The following KCNIP4 variants were observed in gnomAD, a reference collection of about 807,000 sequenced individuals.
The protein encoded by KCNIP4 is Kv channel-interacting protein 4.
In KCNIP4, 12 loss-of-function variants were observed where a neutral mutation model predicts 34.0. That is an observed-to-expected ratio of 0.35 (90% CI 0.23 to 0.57). The LOEUF is 0.57. KCNIP4 is among the 20% of genes least tolerant of loss of function. The pLI, the probability that KCNIP4 is intolerant of heterozygous loss-of-function variation, is 0.83. For missense variants in KCNIP4, 238 were observed against 311.7 expected, an observed-to-expected ratio of 0.76 and a Z score of 1.78; for synonymous variants, 124 against 102.2, an observed-to-expected ratio of 1.21 and a Z score of -1.29.
intron 1 of KCNIP4, among the ~76,000 whole-genome samples, chr4:21,268,332 T>G (rs1385745467): frequency 6.6e-6 from 1 of 152,196 alleles, no homozygotes; most frequent in Non-Finnish European, 1.5e-5. Context: ...CAGGTTTTAC[T>G]GATCTTTTAA....
chr4:21,735,498 T>C (rs1289760738), intron 1 of KCNIP4, among the ~76,000 whole-genome samples: 3 of 152,326 alleles, frequency 2.0e-5, no homozygotes, highest in East Asian at 1.9e-4. Flanking sequence ...GGAGTGCTGC[T>C]GTGCACCTGT....
intron 1 of KCNIP4, among the ~76,000 whole-genome samples, chr4:20,951,545 T>A (rs1193377679): frequency 6.6e-6 from 1 of 152,180 alleles, no homozygotes; most frequent in Admixed American, 6.5e-5. Context: ...GTTTCCTTCT[T>A]AATAAAAGAC....
chr4:21,135,553 A>T (rs1751438154), intron 1 of KCNIP4, among the ~76,000 whole-genome samples: 1 of 152,182 alleles, frequency 6.6e-6, no homozygotes, highest in Non-Finnish European at 1.5e-5. Context: ...AGTCCTACTG[A>T]GGATTATTAA....
chr4:21,674,158 A>G (rs1037830610), intron 1 of KCNIP4, among the ~76,000 whole-genome samples: 7 of 152,204 alleles, frequency 4.6e-5, no homozygotes, highest in African/African-American at 1.4e-4. Context: ...GCTCTTTGCT[A>G]TATGTATTGA....
intron 1 of KCNIP4, among the ~76,000 whole-genome samples, chr4:21,667,280 T>C (rs1324220677): frequency 3.9e-5 from 6 of 152,186 alleles, no homozygotes; most frequent in East Asian, 1.9e-4. Flanking sequence ...TCTATGGAGA[T>C]AGGATATTTG....
intron 1 of KCNIP4, among the ~76,000 whole-genome samples, chr4:21,106,443 A>G (rs2109085788): frequency 6.6e-6 from 1 of 151,616 alleles, no homozygotes; most frequent in South Asian, 2.1e-4. Flanking sequence ...CGGTGGTGAT[A>G]TCCCCTTTAT....
At chr4:21,945,414 T>G (rs917867384) in intron 1 of KCNIP4, among the ~76,000 whole-genome samples, 23 of 152,232 alleles carry the variant, frequency 1.5e-4, no homozygotes, top group Non-Finnish European at 3.2e-4. Context: ...GATTGTATGA[T>G]GAAAAGCTTT....
At chr4:21,515,945 T>C (rs1354727846) in intron 1 of KCNIP4, among the ~76,000 whole-genome samples, 2 of 152,044 alleles carry the variant, frequency 1.3e-5, no homozygotes, top group Non-Finnish European at 2.9e-5. Flanking sequence ...TCTATTATAG[T>C]AGCACAAAAT....
At chr4:20,849,184 G>A (rs921104322) in intron 3 of KCNIP4, among the ~76,000 whole-genome samples, 6 of 152,114 alleles carry the variant, frequency 3.9e-5, no homozygotes, top group African/African-American at 1.4e-4. Context: ...TGTGTGGTGA[G>A]CACTCATCTC....
chr4:21,464,417 G>T (rs933293983), intron 1 of KCNIP4, among the ~76,000 whole-genome samples: 1 of 151,754 alleles, frequency 6.6e-6, no homozygotes, highest in Non-Finnish European at 1.5e-5. Context: ...TTCTCTCATA[G>T]CATTTTCTAA....
At chr4:21,737,666 AC>A (rs1716084364) in intron 1 of KCNIP4, among the ~76,000 whole-genome samples, 1 of 152,306 alleles carries the variant, frequency 6.6e-6, no homozygotes. Context: ...CTATTGCCTT[AC>A]AGCTTAGGTC....
chr4:20,734,425 T>G (rs1305734512), intron 6 of KCNIP4, among the ~76,000 whole-genome samples: 1 of 152,230 alleles, frequency 6.6e-6, no homozygotes, highest in Non-Finnish European at 1.5e-5. Flanking sequence ...GGGTGTAATC[T>G]TTATGTGTTA....
rs548467209 is a variant in KCNIP4, at chr4:21,386,378, C to T, written c.62-503669G>A. ...ACCTGCAAGCAGGGCTATACTTTGA[C>T]CACTGTTTATATTCCAACCAGATGC... is the stretch of plus-strand genomic sequence containing the variant. On this transcript the variant is annotated intron_variant, in intron 1 of 8. Coordinates refer to ENST00000382152, the MANE Select transcript of KCNIP4 (RefSeq NM_025221.6). Among the ~76,000 whole-genome samples, 42 of 152,134 alleles carry T rather than the reference C, an allele frequency of 2.8e-4. No individual in the cohort carries two copies. In the South Asian group the frequency reaches 7.7e-3, roughly 28 times the overall value.
chr4:21,646,511 C>T (rs915908490), intron 1 of KCNIP4, among the ~76,000 whole-genome samples: 11 of 152,130 alleles, frequency 7.2e-5, no homozygotes, highest in African/African-American at 1.4e-4. Flanking sequence ...TATAGAATAG[C>T]GCTAAACCAA....
intron 1 of KCNIP4, among the ~76,000 whole-genome samples, chr4:21,413,416 G>A (rs1724680609): frequency 6.6e-6 from 1 of 152,064 alleles, no homozygotes; most frequent in African/African-American, 2.4e-5. Flanking sequence ...ACCTAATTGA[G>A]TTGAGTTTTC....
intron 1 of KCNIP4, among the ~76,000 whole-genome samples, chr4:21,907,169 C>A (rs551787951): frequency 6.6e-6 from 1 of 152,020 alleles, no homozygotes; most frequent in African/African-American, 2.4e-5. Context: ...GTGATTAGGG[C>A]ATTAAGAGGA....
At chr4:21,803,731 T>A (rs546768425) in intron 1 of KCNIP4, among the ~76,000 whole-genome samples, 18 of 152,280 alleles carry the variant, frequency 1.2e-4, no homozygotes, top group African/African-American at 4.3e-4. Context: ...CAGTGAAGCT[T>A]CCAGACCCCT....
At chr4:21,631,030 T>G (rs376485560) in intron 1 of KCNIP4, among the ~76,000 whole-genome samples, 9 of 152,326 alleles carry the variant, frequency 5.9e-5, no homozygotes, top group African/African-American at 2.2e-4. Flanking sequence ...TACATAGTGT[T>G]ATTCTGTGAC....
intron 1 of KCNIP4, among the ~76,000 whole-genome samples, chr4:21,435,131 C>G (rs1726837105): frequency 6.6e-6 from 1 of 152,054 alleles, no homozygotes. Context: ...CAGAGAAAGG[C>G]AGGGACTCAT....
Sources: gnomAD v4.1 joint callset for allele counts (sites outside exome capture counted in the v4.1 genomes callset) on GRCh38, gnomAD v4.1.1 for gene constraint, MANE v1.5 for transcripts, NCBI Gene and HGNC (gene_info 2026-07-23, HGNC 2026-07-21) for gene names.